INHA: variants seen among roughly 807,000 people sequenced by gnomAD.
The protein encoded by INHA is inhibin subunit alpha.
INHA carries 8 observed loss-of-function variants against 21.3 expected under a neutral mutation model. That is an observed-to-expected ratio of 0.38 (90% CI 0.22 to 0.68). The LOEUF (loss-of-function observed/expected upper bound fraction) is 0.68, where lower values mean the gene tolerates loss of function less well. INHA is among the 30% of genes least tolerant of loss of function. INHA has a pLI of 0.53. For missense variants in INHA, 436 were observed against 465.8 expected (o/e 0.94, Z 0.59); for synonymous variants, 231 against 207.5 (o/e 1.11, Z -0.97).
chr2:219,575,372 A>G lies in INHA; in HGVS notation c.947A>G (p.Gln316Arg). 2 of 1,614,100 alleles carry G rather than the reference A, an allele frequency of 1.2e-6. No homozygotes were observed. The highest frequency in any genetic ancestry group is 1.7e-6 in the Non-Finnish European group (2 of 1,179,982). ...PVPGAPPTPA[Q>R]PYSLLPGAQP... ...CCTGGGGCTCCCCCTACCCCAGCCC[A>G]GCCCTACTCCTTGCTGCCAGGGGCC... The change falls in exon 2 of 2, where the codon CAG becomes CGG. Residue 316 changes from glutamine to arginine, a missense_variant. Physicochemically the swap from Gln to Arg is conservative, Grantham distance 43. Transcript: ENST00000243786.
Position 219,574,928 on chromosome 2 carries a change from C to G in INHA, c.503C>G (p.Ser168Cys). The G allele has an allele frequency of 6.2e-7, 1 of 1,614,212 alleles. No homozygotes were observed. Among genetic ancestry groups the G allele is most frequent in the Non-Finnish European group, 8.5e-7 (1 of 1,180,050 alleles). ...GGAGGACCCGTGGCTGTGCCCATGTCTTTGGGCCATGCTCCCCCTCACTGG... is the reference window on the plus strand; with the variant it reads ...GGAGGACCCGTGGCTGTGCCCATGTGTTTGGGCCATGCTCCCCCTCACTGG... Reference protein sequence around the residue: ...SPGGPVAVPMSLGHAPPHWAV... With the variant: ...SPGGPVAVPMCLGHAPPHWAV... The change falls in exon 2 of 2, where the codon TCT (serine) becomes TGT (cysteine). Residue 168 changes from serine (S) to cysteine (C), a missense_variant. Ser to Cys is a moderately radical substitution (Grantham distance 112). Coordinates refer to ENST00000243786, the MANE Select transcript of INHA (RefSeq NM_002191.4).
chr2:219,575,150 C>A lies in INHA; in HGVS notation c.725C>A (p.Ser242Tyr). 6.2e-7 allele frequency: 1 copy of A among 1,614,238 alleles called. No homozygotes were observed. The highest frequency in any genetic ancestry group is 8.5e-7 in the Non-Finnish European group (1 of 1,180,036). Residue 242 changes from serine (S) to tyrosine (Y), a missense_variant, in exon 2 of 2, where the codon TCT becomes TAT. Ser to Tyr is a moderately radical substitution (Grantham distance 144, BLOSUM62 -2). Coordinates refer to ENST00000243786, the MANE Select transcript of INHA (RefSeq NM_002191.4). Reference protein sequence around the residue: ...RSTPLMSWPWSPSALRLLQRP... With the variant: ...RSTPLMSWPWYPSALRLLQRP... ...ACTCCCCTGATGTCCTGGCCTTGGT[C>A]TCCCTCTGCTCTGCGCCTGCTGCAG...
At position 219,575,017 on chromosome 2, in the gene INHA, C is replaced by T. The variant is rs1697494795; in HGVS notation, c.592C>T (p.Leu198=). The T allele has an allele frequency of 6.2e-7, 1 of 1,613,174 alleles. No homozygotes were observed. The highest frequency in any genetic ancestry group is 8.5e-7 in the Non-Finnish European group (1 of 1,180,028). ...LLTHPVLVLL[L]RCPLCTCSAR... ...GACCCACCCCGTCCTGGTGCTGCTG[C>T]TGCGCTGTCCCCTCTGTACCTGCTC... is the stretch of plus-strand genomic sequence containing the variant. The change falls in exon 2 of 2, where the codon CTG becomes TTG. Residue 198 remains leucine, a synonymous_variant. Coordinates refer to ENST00000243786, the MANE Select transcript of INHA (RefSeq NM_002191.4).
chr2:219,574,790 G>C lies in INHA; in HGVS notation c.365G>C (p.Arg122Pro). The C allele has an allele frequency of 6.2e-7, 1 of 1,614,092 alleles. No homozygotes were observed. Among genetic ancestry groups the C allele is most frequent in the Non-Finnish European group, 8.5e-7 (1 of 1,180,010 alleles). ...RYMFRPSQHT[R>P]SRQVTSAQLW... ...ATGTTCCGGCCATCCCAGCATACAC[G>C]CAGCCGCCAGGTGACTTCAGCCCAG... Residue 122 changes from arginine to proline, a missense_variant, in exon 2 of 2, where the codon CGC becomes CCC. Transcript: ENST00000243786.
Position 219,574,806 on chromosome 2 carries a change from T to C in INHA, c.381T>C (p.Thr127=), listed in dbSNP as rs1279819526. ...AGCATACACGCAGCCGCCAGGTGAC[T>C]TCAGCCCAGCTGTGGTTCCACACCG... ...PSQHTRSRQV[T]SAQLWFHTGL... Residue 127 remains threonine (T), a synonymous_variant, in exon 2 of 2, where the codon ACT becomes ACC. Transcript: ENST00000243786. 6.2e-7 allele frequency: 1 copy of C among 1,614,112 alleles called. No individual in the cohort carries two copies. The highest frequency in any genetic ancestry group is 2.2e-5 in the East Asian group (1 of 44,886).
chr2:219,572,603 G>A lies in INHA; in HGVS notation c.229G>A (p.Glu77Lys). The change falls in exon 1 of 2, where the codon GAG (glutamate) becomes AAG (lysine). Residue 77 changes from glutamate to lysine, a missense_variant. Transcript: ENST00000243786. ...ACACAGGGGCTCTGAGCCCGAGGAAGAGGAGGATGTCTCCCAAGCCATCCT... is the reference window on the plus strand; with the variant it reads ...ACACAGGGGCTCTGAGCCCGAGGAAAAGGAGGATGTCTCCCAAGCCATCCT... ...FTHRGSEPEE[E>K]EDVSQAILFP... is the part of the protein sequence containing the mutation. 1 of 1,552,974 alleles carries A rather than the reference G, an allele frequency of 6.4e-7. No individual in the cohort carries two copies. The highest frequency in any genetic ancestry group is 8.7e-7 in the Non-Finnish European group (1 of 1,147,718).
intron 1 of INHA, among the ~76,000 whole-genome samples, chr2:219,573,251 G>A (rs1009287576): frequency 1.3e-5 from 2 of 152,184 alleles, no homozygotes; most frequent in Non-Finnish European, 2.9e-5. Flanking sequence ...TGGGGAGAAG[G>A]ATGGCTTTGG....
intron 1 of INHA, among the ~76,000 whole-genome samples, chr2:219,574,096 T>A (rs1374728656): frequency 2.0e-5 from 3 of 151,570 alleles, no homozygotes; most frequent in Non-Finnish European, 4.4e-5. Flanking sequence ...CTGGGCAACA[T>A]AGCGAGACCC....
intron 1 of INHA, 138 bp downstream of exon 1, chr2:219,572,780 C>A: frequency 1.1e-6 from 1 of 914,532 alleles, no homozygotes; most frequent in Non-Finnish European, 1.7e-6. Context: ...AGTTACTAAA[C>A]TTCCTTATGC....
intron 1 of INHA, among the ~76,000 whole-genome samples, chr2:219,573,800 C>T (rs535638925): frequency 1.3e-5 from 2 of 151,928 alleles, no homozygotes; most frequent in South Asian, 2.1e-4. Flanking sequence ...TGGTGAACCC[C>T]GTCTCTACTA....
Position 219,575,185 on chromosome 2 carries a change from G to A in INHA, c.760G>A (p.Glu254Lys), listed in dbSNP as rs1438651936. The A allele has an allele frequency of 2.5e-6, 4 of 1,614,272 alleles. No homozygotes were observed. Among genetic ancestry groups the A allele is most frequent in the Non-Finnish European group, 3.4e-6 (4 of 1,180,048 alleles). The part of the protein sequence containing the change: ...SALRLLQRPP[E>K]EPAAHANCHR... Reference sequence around the variant, plus strand: ...TCTGCGCCTGCTGCAGAGGCCTCCGGAGGAACCGGCTGCCCATGCCAACTG... The same window carrying A: ...TCTGCGCCTGCTGCAGAGGCCTCCGAAGGAACCGGCTGCCCATGCCAACTG... The change falls in exon 2 of 2, where the codon GAG becomes AAG. Residue 254 changes from glutamate to lysine, a missense_variant. Coordinates refer to ENST00000243786, the MANE Select transcript of INHA (RefSeq NM_002191.4).
At chr2:219,572,912 C>A (rs976601588) in intron 1 of INHA, among the ~76,000 whole-genome samples, 4 of 152,236 alleles carry the variant, frequency 2.6e-5, no homozygotes, top group African/African-American at 9.6e-5. Flanking sequence ...GACCGGGGGT[C>A]TCTAAAGATG....
intron 1 of INHA, among the ~76,000 whole-genome samples, chr2:219,573,696 C>T (rs906130017): frequency 2.6e-5 from 4 of 151,940 alleles, no homozygotes; most frequent in South Asian, 2.1e-4. Flanking sequence ...TAATATAGGC[C>T]GGGCGCGGTG....
rs1697502198 is a variant in INHA at position 219,575,369 on chromosome 2, C to T, written c.944C>T (p.Ala315Val). The T allele has an allele frequency of 1.9e-6, 3 of 1,614,064 alleles. No individual in the cohort carries two copies. The African/African-American group carries it at 4.0e-5, about 22-fold the overall frequency. The stretch of plus-strand genomic sequence containing the variant: ...GTCCCTGGGGCTCCCCCTACCCCAG[C>T]CCAGCCCTACTCCTTGCTGCCAGGG... ...LPVPGAPPTP[A>V]QPYSLLPGAQ... Residue 315 changes from alanine to valine, a missense_variant, in exon 2 of 2, where the codon GCC (alanine) becomes GTC (valine). Transcript: ENST00000243786.
rs762728790 is a variant in INHA at position 219,572,493 on chromosome 2, C to A, written c.119C>A (p.Ala40Asp). The change falls in exon 1 of 2, where the codon GCC (alanine) becomes GAC (aspartate). Residue 40 changes from alanine to aspartate, a missense_variant. By Grantham distance (126) the Ala-to-Asp change is moderately radical. Transcript: ENST00000243786. ...LAKVRALFLD[A>D]LGPPAVTREG... ...AAGGTGAGGGCCCTGTTCTTGGATG[C>A]CTTGGGGCCCCCCGCGGTGACCAGG... The A allele has an allele frequency of 1.9e-6, 3 of 1,612,720 alleles. No homozygotes were observed. The highest frequency in any genetic ancestry group is 4.5e-5 in the East Asian group (2 of 44,852).
chr2:219,574,948 C>T lies in INHA; in HGVS notation c.523C>T (p.His175Tyr). 4 of 1,614,174 alleles carry T rather than the reference C, an allele frequency of 2.5e-6. No individual in the cohort carries two copies. The highest frequency in any genetic ancestry group is 3.4e-6 in the Non-Finnish European group (4 of 1,180,038). Residue 175 changes from histidine (H) to tyrosine (Y), a missense_variant, in exon 2 of 2, where the codon CAC (histidine) becomes TAC (tyrosine). Transcript: ENST00000243786. The stretch of plus-strand genomic sequence containing the variant: ...CATGTCTTTGGGCCATGCTCCCCCT[C>T]ACTGGGCCGTGCTGCACCTGGCCAC... ...VPMSLGHAPP[H>Y]WAVLHLATSA... is the part of the protein sequence containing the mutation.
In INHA at chr2:219,572,466, C is replaced by T. The variant is rs1346555995; in HGVS notation, c.92C>T (p.Ala31Val). ...GAGCTGGCCCGGGAACTTGTTCTGG[C>T]CAAGGTGAGGGCCCTGTTCTTGGAT... The part of the protein sequence containing the change: ...GLELARELVL[A>V]KVRALFLDAL... The change falls in exon 1 of 2, where the codon GCC (alanine) becomes GTC (valine). Residue 31 changes from alanine (A) to valine (V), a missense_variant. By Grantham distance (64) the Ala-to-Val change is moderately conservative. Coordinates refer to ENST00000243786, the MANE Select transcript of INHA (RefSeq NM_002191.4). 6.8e-6 allele frequency: 11 copies of T among 1,613,962 alleles called. No homozygotes were observed. The East Asian group carries it at 2.2e-4, about 33-fold the overall frequency.
At chr2:219,573,971 C>CAAAA (rs67844693) in intron 1 of INHA, among the ~76,000 whole-genome samples, 1 of 110,456 alleles carries the variant, frequency 9.1e-6, no homozygotes, top group African/African-American at 3.1e-5. Flanking sequence ...GACTCCATCT[C>CAAAA]AAAAAAAAAA....
chr2:219,572,392 G>T lies in INHA; in HGVS notation c.18G>T (p.Leu6=). The part of the protein sequence containing the change: MVLHL[L]LFLLLTPQGG... ...GGTGAGCTATGGTGCTGCACCTACTGCTCTTCTTGCTGCTGACCCCACAGG... is the reference window on the plus strand; with the variant it reads ...GGTGAGCTATGGTGCTGCACCTACTTCTCTTCTTGCTGCTGACCCCACAGG... Residue 6 remains leucine, a synonymous_variant, in exon 1 of 2, where the codon CTG becomes CTT. Transcript: ENST00000243786. The T allele has an allele frequency of 6.2e-7, 1 of 1,613,996 alleles. No homozygotes were observed. The highest frequency in any genetic ancestry group is 1.3e-5 in the African/African-American group (1 of 75,062).
Sources: allele counts gnomAD v4.1 joint callset (sites outside exome capture counted in the v4.1 genomes callset), GRCh38; gene constraint gnomAD v4.1.1; transcripts MANE v1.5; gene names NCBI Gene and HGNC (gene_info 2026-07-23, HGNC 2026-07-21).